The following LARS2 variants were observed in gnomAD, a reference collection of about 807,000 sequenced individuals.
LARS2 encodes leucine--tRNA ligase, mitochondrial.
Under a neutral mutation model 116.6 loss-of-function variants are expected in LARS2, and 81 were observed. The observed-to-expected ratio is 0.69, with a 90% CI of 0.58 to 0.84. The LOEUF (loss-of-function observed/expected upper bound fraction) is 0.84, where lower values mean the gene tolerates loss of function less well. LARS2 is among the 40% of genes least tolerant of loss of function. The probability of loss-of-function intolerance (pLI) is 0.00; values close to 1 mark genes in which losing one functional copy is unlikely to be tolerated. For synonymous variants in LARS2, 396 were observed against 407.2 expected (o/e 0.97, Z 0.33); for missense variants, 968 against 1,114.5 (o/e 0.87, Z 1.87).
chr3:45,440,640 C>T (rs1698890038), intron 6 of LARS2, among the ~76,000 whole-genome samples: 1 of 152,102 alleles, frequency 6.6e-6, no homozygotes, highest in Non-Finnish European at 1.5e-5. Flanking sequence ...GGTTGTGATG[C>T]CACCAAAATA....
At chr3:45,495,704 T>A (rs1360787142) in intron 13 of LARS2, among the ~76,000 whole-genome samples, 1 of 152,222 alleles carries the variant, frequency 6.6e-6, no homozygotes, top group African/African-American at 2.4e-5. Flanking sequence ...TTTTGGATGG[T>A]GAGGCTTTCT....
chr3:45,432,221 T>C (rs1418594797), intron 6 of LARS2, among the ~76,000 whole-genome samples: 6 of 152,138 alleles, frequency 3.9e-5, no homozygotes, highest in African/African-American at 1.4e-4. Flanking sequence ...TGGAGACTTT[T>C]GTACCCCACT....
chr3:45,417,457 T>A (rs1287506449), intron 4 of LARS2, 25 bp from the exon 5 acceptor site: 1 of 1,562,124 alleles, frequency 6.4e-7, no homozygotes, highest in Non-Finnish European at 8.8e-7. Flanking sequence ...TTTGCCATGG[T>A]TGATGTTCCT....
At chr3:45,467,355 C>T (rs1212640906) in intron 8 of LARS2, among the ~76,000 whole-genome samples, 1 of 152,182 alleles carries the variant, frequency 6.6e-6, no homozygotes, top group Non-Finnish European at 1.5e-5. Flanking sequence ...TTCCACTTCT[C>T]TGTGTATTTG....
At chr3:45,459,204 G>T (rs1699269822) in intron 8 of LARS2, among the ~76,000 whole-genome samples, 1 of 151,536 alleles carries the variant, frequency 6.6e-6, no homozygotes, top group East Asian at 1.9e-4. Context: ...GAGAGAGGGG[G>T]GCCTTTAAAA....
intron 6 of LARS2, among the ~76,000 whole-genome samples, chr3:45,427,465 G>A (rs1041230243): frequency 2.6e-5 from 4 of 152,114 alleles, no homozygotes; most frequent in African/African-American, 9.7e-5. Context: ...TTATTAGGTA[G>A]GAATCAAAAT....
At chr3:45,482,876 C>G (rs1353465640) in intron 10 of LARS2, among the ~76,000 whole-genome samples, 1 of 152,164 alleles carries the variant, frequency 6.6e-6, no homozygotes, top group African/African-American at 2.4e-5. Flanking sequence ...CTCTGCCCTT[C>G]TAGAGTCCTG....
chr3:45,463,620 G>T lies in LARS2; in HGVS notation c.750+4734G>T, dbSNP rs1439824510. ...TAGCATGGGGATTCAAATCTGAGCA[G>T]CTGAGCTGTTAACCCGCAGTCTCTC... On this transcript the variant is annotated intron_variant, in intron 8 of 21. Coordinates refer to ENST00000645846, the MANE Select transcript of LARS2 (RefSeq NM_015340.4). Among the ~76,000 whole-genome samples, 5 of 152,102 alleles carry T rather than the reference G, an allele frequency of 3.3e-5. No homozygotes were observed. The East Asian group carries it at 9.7e-4, about 29-fold the overall frequency.
intron 7 of LARS2, among the ~76,000 whole-genome samples, chr3:45,455,273 C>G (rs1030973231): frequency 6.6e-6 from 1 of 152,092 alleles, no homozygotes. Context: ...AAATACAGTC[C>G]TATTTGTTCT....
intron 20 of LARS2, among the ~76,000 whole-genome samples, chr3:45,532,546 C>T (rs556070468): frequency 1.3e-5 from 2 of 152,222 alleles, no homozygotes; most frequent in East Asian, 1.9e-4. Flanking sequence ...TAGAATTTTG[C>T]AGTTATTTTA....
intron 8 of LARS2, among the ~76,000 whole-genome samples, chr3:45,466,373 G>A (rs1414799197): frequency 6.6e-6 from 1 of 152,118 alleles, no homozygotes; most frequent in African/African-American, 2.4e-5. Context: ...ACTTGAGAGA[G>A]CATTTAGCTC....
At chr3:45,487,318 C>A (rs1699832542) in intron 11 of LARS2, among the ~76,000 whole-genome samples, 1 of 152,278 alleles carries the variant, frequency 6.6e-6, no homozygotes, top group South Asian at 2.1e-4. Context: ...AACATTTATT[C>A]AACGCATTAG....
chr3:45,528,933 A>T (rs186303804), intron 20 of LARS2, among the ~76,000 whole-genome samples: 2 of 151,734 alleles, frequency 1.3e-5, no homozygotes, highest in Admixed American at 6.6e-5. Flanking sequence ...GCAGTAGTAC[A>T]ATCTCCACTC....
At chr3:45,502,723 G>A (rs765490412) in intron 15 of LARS2, among the ~76,000 whole-genome samples, 32 of 151,990 alleles carry the variant, frequency 2.1e-4, no homozygotes, top group Non-Finnish European at 4.6e-4. Context: ...TTTCTTTATA[G>A]CTATCTTCCA....
At chr3:45,443,863 G>A (rs558492049) in intron 6 of LARS2, among the ~76,000 whole-genome samples, 8 of 152,298 alleles carry the variant, frequency 5.3e-5, no homozygotes, top group Non-Finnish European at 8.8e-5. Context: ...GGTGAAAGCA[G>A]GGGCCTGTAA....
At chr3:45,415,984 C>A (rs1255435844) in intron 4 of LARS2, among the ~76,000 whole-genome samples, 2 of 147,330 alleles carry the variant, frequency 1.4e-5, no homozygotes, top group African/African-American at 5.0e-5. Context: ...TTACTTTTAT[C>A]CAGTCTCAAA....
chr3:45,549,118 T>C lies in LARS2; in HGVS notation c.*1588T>C, dbSNP rs1295559969. ...TGCCCAGATATTCCAATTTAATTGG[T>C]CCATGGTGTGGCTTGAACACCAGGA... On this transcript the variant is annotated 3_prime_UTR_variant, in exon 22 of 22. Coordinates refer to ENST00000645846, the MANE Select transcript of LARS2 (RefSeq NM_015340.4). 6.6e-6 allele frequency: 1 copy of C among 152,222 alleles called. No individual in the cohort carries two copies. The highest frequency in any genetic ancestry group is 2.4e-5 in the African/African-American group (1 of 41,456). The allele number at this position is 152,222 out of a possible 1,614,324, so 9.4% of individuals were successfully genotyped here.
chr3:45,541,061 A>G (rs1322389075), intron 20 of LARS2, among the ~76,000 whole-genome samples: 1 of 152,092 alleles, frequency 6.6e-6, no homozygotes, highest in African/African-American at 2.4e-5. Context: ...AGATTACAGC[A>G]GAGGCTTTTA....
At chr3:45,542,441 G>A (rs985834635) in intron 21 of LARS2, among the ~76,000 whole-genome samples, 4 of 152,220 alleles carry the variant, frequency 2.6e-5, no homozygotes, top group South Asian at 2.1e-4. Context: ...GGAGTTTATC[G>A]TTTAAACCCT....
Sources: allele counts gnomAD v4.1 joint callset (sites outside exome capture counted in the v4.1 genomes callset), GRCh38; gene constraint gnomAD v4.1.1; transcripts MANE v1.5; gene names NCBI Gene and HGNC (gene_info 2026-07-23, HGNC 2026-07-21).